The following PWP1 variants were observed in gnomAD, a reference collection of about 807,000 sequenced individuals.
PWP1 encodes the protein PWP1 homolog, endonuclein.
Under a neutral mutation model 69.9 loss-of-function variants are expected in PWP1, and 47 were observed. That is an observed-to-expected ratio of 0.67 (90% confidence interval 0.53 to 0.86). The LOEUF is 0.86. PWP1 is among the 40% of genes least tolerant of loss of function. The pLI is 0.00. For synonymous variants in PWP1, 222 were observed against 208.2 expected (o/e 1.07, Z -0.57); for missense variants, 551 against 608.8 (o/e 0.91, Z 1.00).
At position 107,709,130 on chromosome 12, in the gene PWP1, A is replaced by G. The variant is rs1361452503; in HGVS notation, c.1188A>G (p.Gln396=). ...CTTTAGGTCTTGATCTTAGCAGTCAAATCAAGGGCTGTCTCGTGACTGCTT... is the reference window on the plus strand; with the variant it reads ...CTTTAGGTCTTGATCTTAGCAGTCAGATCAAGGGCTGTCTCGTGACTGCTT... ...DEISGLDLSS[Q]IKGCLVTASA... The change falls in exon 13 of 15, where the codon CAA becomes CAG. Residue 396 remains glutamine (Q), a synonymous_variant. Coordinates refer to ENST00000412830, the MANE Select transcript of PWP1 (RefSeq NM_007062.3). The G allele has an allele frequency of 6.2e-7, 1 of 1,614,012 alleles. No homozygotes were observed. The highest frequency in any genetic ancestry group is 1.1e-5 in the South Asian group (1 of 91,080).
chr12:107,692,153 T>C (rs1010709539), intron 3 of PWP1, among the ~76,000 whole-genome samples: 1 of 152,186 alleles, frequency 6.6e-6, no homozygotes, highest in Non-Finnish European at 1.5e-5. Context: ...CTGTTGCATA[T>C]CAGATGTTTA....
intron 5 of PWP1, among the ~76,000 whole-genome samples, chr12:107,694,282 C>G (rs1024968472): frequency 2.0e-5 from 3 of 152,226 alleles, no homozygotes; most frequent in African/African-American, 7.2e-5. Context: ...TCTCCTCCCC[C>G]AGCAGTCTTC....
intron 11 of PWP1, among the ~76,000 whole-genome samples, chr12:107,707,266 A>C (rs1307905458): frequency 6.6e-6 from 1 of 152,172 alleles, no homozygotes; most frequent in Non-Finnish European, 1.5e-5. Context: ...GACTTTGCTG[A>C]AGTTGCTTAT....
rs1022340439 is a variant in PWP1 at position 107,712,846 on chromosome 12, A to G, written c.*626A>G. 2 of 152,252 alleles carry G rather than the reference A, an allele frequency of 1.3e-5. No individual in the cohort carries two copies. Among genetic ancestry groups the G allele is most frequent in the African/African-American group, 4.8e-5 (2 of 41,472 alleles). The allele number at this position is 152,252 out of a possible 1,614,324, so 9.4% of individuals were successfully genotyped here. A position where few individuals can be genotyped will look rare whatever the true frequency, so the allele number is the denominator to read the frequency against. On this transcript the variant is annotated 3_prime_UTR_variant, in exon 15 of 15. Transcript: ENST00000412830. ...TTCTGTGCCTAGTGCTATACAAGGC[A>G]TGGGAGATTCAGTGTGAATAAGTCT...
At chr12:107,706,413 T>C (rs1484798926) in intron 11 of PWP1, among the ~76,000 whole-genome samples, 1 of 152,248 alleles carries the variant, frequency 6.6e-6, no homozygotes, top group Non-Finnish European at 1.5e-5. Context: ...ATCCCATTTA[T>C]CAATTTTGAC....
Position 107,688,687 on chromosome 12 carries a change from C to T in PWP1, c.204C>T (p.Thr68=), listed in dbSNP as rs769081529. ...AAGATGGCATGCAGAGTGCACGCACCCAGGCACGCCCAAGAGAGCCCCTGG... is the reference window on the plus strand; with the variant it reads ...AAGATGGCATGCAGAGTGCACGCACTCAGGCACGCCCAAGAGAGCCCCTGG... ...PSEDGMQSAR[T]QARPREPLED... Residue 68 remains threonine (T), a synonymous_variant, in exon 3 of 15, where the codon ACC becomes ACT. Coordinates refer to ENST00000412830, the MANE Select transcript of PWP1 (RefSeq NM_007062.3). 2.7e-5 allele frequency: 43 copies of T among 1,614,012 alleles called. No homozygotes were observed. The East Asian group carries it at 9.4e-4, about 35-fold the overall frequency.
chr12:107,710,651 T>TA (rs1889934006), intron 14 of PWP1, 141 bp downstream of exon 14: 1 of 1,335,924 alleles, frequency 7.5e-7, no homozygotes, highest in Non-Finnish European at 9.9e-7. Context: ...GCCTTCTGTA[T>TA]AGCTGGGATT....
intron 9 of PWP1, 106 bp from the exon 10 acceptor site, chr12:107,703,579 G>A: frequency 2.2e-6 from 2 of 924,256 alleles, no homozygotes. Flanking sequence ...TATTTCAGAG[G>A]GACGCATTTA....
At chr12:107,691,915 C>T (rs771275065) in intron 3 of PWP1, among the ~76,000 whole-genome samples, 13 of 152,152 alleles carry the variant, frequency 8.5e-5, no homozygotes, top group Admixed American at 2.0e-4. Flanking sequence ...TGGTGAAAGA[C>T]GGTGCTGAGT....
intron 11 of PWP1, among the ~76,000 whole-genome samples, chr12:107,708,656 G>T (rs763932262): frequency 6.6e-6 from 1 of 152,180 alleles, no homozygotes; most frequent in African/African-American, 2.4e-5. Context: ...TCACGTGGAT[G>T]TAACTATGGC....
intron 8 of PWP1, among the ~76,000 whole-genome samples, chr12:107,701,539 A>G (rs1261637968): frequency 6.6e-6 from 1 of 151,976 alleles, no homozygotes; most frequent in African/African-American, 2.4e-5. Flanking sequence ...GTTTACATGT[A>G]TGTTTTCTTC....
chr12:107,702,935 A>T lies in PWP1; in HGVS notation c.807A>T (p.Arg269Ser). 6.3e-7 allele frequency: 1 copy of T among 1,593,412 alleles called. No homozygotes were observed. The highest frequency in any genetic ancestry group is 8.6e-7 in the Non-Finnish European group (1 of 1,161,508). ...CTGATTGGATTCTTCCCTTTCTCAG[A>T]AATGTTTTAGCAAGTGCATCAGCTG... ...VLDLSWNKLIRNVLASASADN... is the reference protein window; with the variant it reads ...VLDLSWNKLISNVLASASADN... Residue 269 changes from arginine (R) to serine (S), a missense_variant and splice_region_variant, in exon 9 of 15, where the codon AGA becomes AGT. Coordinates refer to ENST00000412830, the MANE Select transcript of PWP1 (RefSeq NM_007062.3).
At chr12:107,700,250 A>T (rs770287957) in intron 8 of PWP1, among the ~76,000 whole-genome samples, 2 of 152,174 alleles carry the variant, frequency 1.3e-5, no homozygotes, top group Admixed American at 1.3e-4. Flanking sequence ...AGTGGCTTTC[A>T]GTACATTCAC....
intron 1 of PWP1, 121 bp from the exon 2 acceptor site, chr12:107,688,327 T>G (rs1435041755): frequency 1.3e-6 from 1 of 747,230 alleles, no homozygotes; most frequent in African/African-American, 1.8e-5. Flanking sequence ...TGATGTTTGA[T>G]TCTTATCTTG....
chr12:107,689,891 A>G (rs1249964922), intron 3 of PWP1, among the ~76,000 whole-genome samples: 1 of 152,238 alleles, frequency 6.6e-6, no homozygotes, highest in Non-Finnish European at 1.5e-5. Context: ...GAAAGTAGGT[A>G]TAACGATAAA....
rs772683715 is a variant in PWP1 at position 107,696,549 on chromosome 12, G to T, written c.578G>T (p.Trp193Leu). The change falls in exon 6 of 15, where the codon TGG becomes TTG. Residue 193 changes from tryptophan to leucine, a missense_variant. Coordinates refer to ENST00000412830, the MANE Select transcript of PWP1 (RefSeq NM_007062.3). ...TCTGCATATCCTCTGAGTGTGGAAT[G>T]GCTGAATTTTGATCCTAGCCCAGAT... ...LLSAYPLSVEWLNFDPSPDDS... is the reference protein window; with the variant it reads ...LLSAYPLSVELLNFDPSPDDS... The T allele has an allele frequency of 2.6e-5, 42 of 1,613,990 alleles. No homozygotes were observed. Among genetic ancestry groups the T allele is most frequent in the Non-Finnish European group, 3.3e-5 (39 of 1,180,018 alleles).
At chr12:107,693,699 T>TG (rs1286677831) in intron 5 of PWP1, among the ~76,000 whole-genome samples, 1 of 152,174 alleles carries the variant, frequency 6.6e-6, no homozygotes, top group Non-Finnish European at 1.5e-5. Context: ...TTTGCTCCAC[T>TG]GTACTCCAGC....
intron 11 of PWP1, among the ~76,000 whole-genome samples, chr12:107,707,175 G>A (rs1889840563): frequency 6.6e-6 from 1 of 152,092 alleles, no homozygotes; most frequent in African/African-American, 2.4e-5. Flanking sequence ...GTGAATGGGA[G>A]TTCACTCATG....
At position 107,704,961 on chromosome 12, in the gene PWP1, C is replaced by G. The variant is rs182553256; in HGVS notation, c.1077+214C>G. 3.4e-3 allele frequency among the ~76,000 whole-genome samples: 511 copies of G among 152,026 alleles called. 4 individuals carry two copies. Among genetic ancestry groups the G allele is most frequent in the African/African-American group, 0.012 (488 of 41,452 alleles). On this transcript the variant is annotated intron_variant, in intron 11 of 14. Coordinates refer to ENST00000412830, the MANE Select transcript of PWP1 (RefSeq NM_007062.3). ...GTAAATGATTTTGCTGGTTGCCGGCCATTCCAAAGTGTGCCACGTTTTATT... is the reference window on the plus strand; with the variant it reads ...GTAAATGATTTTGCTGGTTGCCGGCGATTCCAAAGTGTGCCACGTTTTATT...
Sources: allele counts gnomAD v4.1 joint callset (sites outside exome capture counted in the v4.1 genomes callset), GRCh38; gene constraint gnomAD v4.1.1; transcripts MANE v1.5; gene names NCBI Gene and HGNC (gene_info 2026-07-23, HGNC 2026-07-21).